The following RTKN2 variants were observed in gnomAD, a reference collection of about 807,000 sequenced individuals.
The protein encoded by RTKN2 is rhotekin-2.
A neutral mutation model predicts 71.5 loss-of-function variants in RTKN2; 69 were observed. The observed-to-expected ratio is 0.96, with a 90% CI of 0.79 to 1.18. The LOEUF is 1.18. Ranked by LOEUF, RTKN2 falls within the 50% of genes most tolerant of loss-of-function variation. The pLI, the probability that RTKN2 is intolerant of heterozygous loss-of-function variation, is 0.00. For missense variants in RTKN2, 724 were observed against 719.7 expected (o/e 1.01, Z -0.07); for synonymous variants, 236 against 236.5 (o/e 1.00, Z 0.02).
intron 9 of RTKN2, among the ~76,000 whole-genome samples, chr10:62,215,885 T>C (rs1022497390): frequency 2.0e-5 from 3 of 151,896 alleles, no homozygotes; most frequent in Non-Finnish European, 2.9e-5. Flanking sequence ...GCATGTCAAT[T>C]TTTCATTAAT....
chr10:62,216,966 A>G, intron 9 of RTKN2, 152 bp downstream of exon 9: 1 of 483,578 alleles, frequency 2.1e-6, no homozygotes, highest in Non-Finnish European at 3.4e-6. Context: ...GCTCTAATAG[A>G]AAAACAGAAA....
intron 9 of RTKN2, among the ~76,000 whole-genome samples, chr10:62,208,759 T>C (rs1044249785): frequency 1.3e-5 from 2 of 152,086 alleles, no homozygotes; most frequent in African/African-American, 4.8e-5. Flanking sequence ...ACCAAATAGC[T>C]GATGAAGTAG....
rs1842335690 is a variant in RTKN2, at chr10:62,239,784, CA to C, written c.371-20del. Reference sequence around the variant, plus strand: ...CGTGATCCTGGAGGAAAAATAACAACATATTAAGCAACAATCCATGTAATAA... The same window carrying C: ...CGTGATCCTGGAGGAAAAATAACAACTATTAAGCAACAATCCATGTAATAA... On this transcript the variant is annotated intron_variant, in intron 4 of 11. Transcript: ENST00000373789. 8.6e-7 allele frequency: 1 copy of C among 1,167,292 alleles called. No individual in the cohort carries two copies. The highest frequency in any genetic ancestry group is 1.9e-5 in the Admixed American group (1 of 53,474). 72.3% of individuals were successfully genotyped at this position (1,167,292 alleles called of 1,614,324 possible). A position where few individuals can be genotyped will look rare whatever the true frequency, so the allele number is the denominator to read the frequency against.
In RTKN2 at chr10:62,197,371, G is replaced by T; in HGVS notation, c.*537C>A. ...TAAAATTTATCCCAGGAATTTAAAA[G>T]GTCAGGCCTATAAACTAGTGAGTTA... On this transcript the variant is annotated 3_prime_UTR_variant, in exon 12 of 12. Transcript: ENST00000373789. 2.0e-6 allele frequency: 2 copies of T among 985,356 alleles called. No homozygotes were observed. The highest frequency in any genetic ancestry group is 2.4e-6 in the Non-Finnish European group (2 of 829,524). The allele number at this position is 985,356 out of a possible 1,614,324, so 61.0% of individuals were successfully genotyped here.
At chr10:62,189,056 TAC>T (rs1410786340), downstream of RTKN2, among the ~76,000 whole-genome samples, 3 of 87,702 alleles carry the variant, frequency 3.4e-5, no homozygotes, top group African/African-American at 5.3e-5. Context: ...CCATATTTCC[TAC>T]TTTTTTTTTT....
intron 6 of RTKN2, among the ~76,000 whole-genome samples, chr10:62,229,373 A>G (rs1842101437): frequency 6.6e-6 from 1 of 152,204 alleles, no homozygotes; most frequent in Admixed American, 6.5e-5. Context: ...GAATTGAAAG[A>G]GGACAAGATT....
At position 62,198,243 on chromosome 10, in the gene RTKN2, C is replaced by A. The variant is rs1422467494; in HGVS notation, c.1495G>T (p.Gly499Trp). 6.2e-7 allele frequency: 1 copy of A among 1,613,710 alleles called. No homozygotes were observed. Among genetic ancestry groups the A allele is most frequent in the African/African-American group, 1.3e-5 (1 of 74,828 alleles). ...GGAAGGGGAGCTTGTCTCTTTTTCC[C>A]TTTTTCATCATGTAATGGCTCACTT... ...PASEPLHDEK[G>W]KKRQAPLPPS... The change falls in exon 12 of 12, where the codon GGG (glycine) becomes TGG (tryptophan). Residue 499 changes from glycine to tryptophan, a missense_variant. Gly to Trp is a radical substitution (Grantham distance 184). Transcript: ENST00000373789.
intron 2 of RTKN2, chr10:62,259,105 ATAGT>A: frequency 2.4e-6 from 1 of 413,968 alleles, no homozygotes; most frequent in East Asian, 7.9e-5. Context: ...TGTTCTCATG[ATAGT>A]GAGTAAGTCT....
chr10:62,235,508 A>C (rs1842237216), intron 6 of RTKN2, among the ~76,000 whole-genome samples: 1 of 152,076 alleles, frequency 6.6e-6, no homozygotes, highest in Non-Finnish European at 1.5e-5. Context: ...AATGCTCCAA[A>C]ATCTGAAACT....
intron 6 of RTKN2, among the ~76,000 whole-genome samples, chr10:62,224,562 C>T (rs1841979535): frequency 6.6e-6 from 1 of 151,646 alleles, no homozygotes; most frequent in Admixed American, 6.6e-5. Context: ...CAAGATCCAG[C>T]ATTACATTCT....
Position 62,195,543 on chromosome 10 carries a change from A to C in RTKN2, c.*2365T>G. On this transcript the variant is annotated 3_prime_UTR_variant, in exon 12 of 12. Coordinates refer to ENST00000373789, the MANE Select transcript of RTKN2 (RefSeq NM_145307.4). ...AGAGAGAGAGGACAGGGGGCCAGAG[A>C]AAGAAACAAAGACAAAAAGGAAGGA... The C allele has an allele frequency of 1.4e-6, 1 of 696,150 alleles. No individual in the cohort carries two copies. Among genetic ancestry groups the C allele is most frequent in the Non-Finnish European group, 1.8e-6 (1 of 565,904 alleles). The allele number at this position is 696,150 out of a possible 1,614,324, so 43.1% of individuals were successfully genotyped here.
rs368345687 is a variant in RTKN2, at chr10:62,227,009, C to G, written c.687-3677G>C. ...AAATTGATAACACATTATAACGTTT[C>G]CCACTTAAAATAATGGGAAGTAGAC... is the stretch of plus-strand genomic sequence containing the variant. On this transcript the variant is annotated intron_variant, in intron 6 of 11. Transcript: ENST00000373789. 1.1e-4 allele frequency among the ~76,000 whole-genome samples: 17 copies of G among 152,226 alleles called. No homozygotes were observed. In the East Asian group the frequency reaches 2.3e-3, roughly 21 times the overall value.
chr10:62,189,706 G>T (rs531507488), downstream of RTKN2, among the ~76,000 whole-genome samples: 300 of 152,288 alleles, frequency 2.0e-3, no homozygotes, highest in Middle Eastern at 3.4e-3. Flanking sequence ...CATGCCTGTT[G>T]TCCCAGCTAC....
At chr10:62,213,106 A>G (rs1212177048) in intron 9 of RTKN2, among the ~76,000 whole-genome samples, 1 of 152,238 alleles carries the variant, frequency 6.6e-6, no homozygotes, top group South Asian at 2.1e-4. Context: ...AAGGAAGGAC[A>G]TATGTAGAAG....
rs1428391001 is a variant in RTKN2 at position 62,215,535 on chromosome 10, G to A, written c.1020+1583C>T. ...TTTCTTCTGTATATTAGATAATATT[G>A]TATCAACAATAAACATTTTGAGCAT... is the stretch of plus-strand genomic sequence containing the variant. On this transcript the variant is annotated intron_variant, in intron 9 of 11. Coordinates refer to ENST00000373789, the MANE Select transcript of RTKN2 (RefSeq NM_145307.4). Among the ~76,000 whole-genome samples the A allele has an allele frequency of 5.3e-5, 8 of 152,070 alleles. No homozygotes were observed. The East Asian group carries it at 9.6e-4, about 18-fold the overall frequency.
chr10:62,267,330 C>T (rs150636786), intron 1 of RTKN2, among the ~76,000 whole-genome samples: 1 of 152,154 alleles, frequency 6.6e-6, no homozygotes, highest in Non-Finnish European at 1.5e-5. Context: ...CTGTACCATT[C>T]CTATTCTTGC....
chr10:62,184,178 T>C (rs1271172536), exon 9 of RTKN2: 2 of 569,664 alleles, frequency 3.5e-6, no homozygotes, highest in Non-Finnish European at 6.2e-6. Context: ...AAGGTCACTA[T>C]TATGTGTCAG....
intron 6 of RTKN2, among the ~76,000 whole-genome samples, chr10:62,229,420 T>A (rs1842102820): frequency 6.6e-6 from 1 of 152,198 alleles, no homozygotes; most frequent in Non-Finnish European, 1.5e-5. Context: ...GGTCAAGGTA[T>A]TAGATGGGCT....
At chr10:62,243,931 G>C (rs1435894254) in intron 3 of RTKN2, among the ~76,000 whole-genome samples, 1 of 152,036 alleles carries the variant, frequency 6.6e-6, no homozygotes, top group Non-Finnish European at 1.5e-5. Flanking sequence ...AGTAGTCGGT[G>C]ACTAAGCTAA....
Sources: allele counts gnomAD v4.1 joint callset (sites outside exome capture counted in the v4.1 genomes callset), GRCh38; gene constraint gnomAD v4.1.1; transcripts MANE v1.5; gene names NCBI Gene and HGNC (gene_info 2026-07-23, HGNC 2026-07-21).